Variants in EDA observed in about 807,000 individuals in gnomAD.
The protein encoded by EDA is ectodysplasin-A.
In EDA, 2 loss-of-function variants were observed where a neutral mutation model predicts 23.6. The ratio of observed to expected loss-of-function variants is 0.08; its 90% CI spans 0.03 to 0.27. EDA has a LOEUF of 0.27. Among genes scored for constraint, EDA ranks in the 10% least tolerant of loss-of-function variants. The pLI is 1.00. For missense variants in EDA, 229 were observed against 324.2 expected (o/e 0.71, Z 2.26); for synonymous variants, 131 against 132.0 (o/e 0.99, Z 0.05).
chrX:69,707,783 A>G (rs2011788122), intron 1 of EDA, among the ~76,000 whole-genome samples: 1 of 111,485 alleles, frequency 9.0e-6, no homozygotes, highest in Non-Finnish European at 1.9e-5. Flanking sequence ...ATTTCCTATC[A>G]TATTCTAGTA....
At chrX:69,942,372 A>G (rs939503389) in intron 1 of EDA, among the ~76,000 whole-genome samples, 2 of 111,509 alleles carry the variant, frequency 1.8e-5, no homozygotes, top group African/African-American at 6.5e-5. Context: ...TTTGTAGGAC[A>G]GGCCTGGTGT....
At chrX:69,667,808 G>T (rs1472951599) in intron 1 of EDA, among the ~76,000 whole-genome samples, 4 of 112,251 alleles carry the variant, frequency 3.6e-5, no homozygotes, top group African/African-American at 1.3e-4. Context: ...AGATTGAGGG[G>T]CCTGCATCTG....
intron 2 of EDA, among the ~76,000 whole-genome samples, chrX:70,001,387 GTGGTT>G (rs57208310): frequency 0.32 from 35,419 of 110,110 alleles, 4,927 homozygotes; most frequent in African/African-American, 0.54. Flanking sequence ...ATCGCTGTTT[GTGGTT>G]TGGTTTGGCT....
At chrX:69,881,781 G>A (rs1333511432) in intron 1 of EDA, among the ~76,000 whole-genome samples, 2 of 112,021 alleles carry the variant, frequency 1.8e-5, no homozygotes, top group Non-Finnish European at 3.8e-5. Context: ...TTCTGGCAAG[G>A]CCTCAGGAAG....
chrX:69,905,200 A>C (rs1382406139), intron 1 of EDA, among the ~76,000 whole-genome samples: 2 of 112,352 alleles, frequency 1.8e-5, no homozygotes, highest in Non-Finnish European at 3.8e-5. Context: ...ATCAAAGGTT[A>C]AATGAAAGGA....
At chrX:69,951,389 A>G (rs1462749375) in intron 1 of EDA, among the ~76,000 whole-genome samples, 1 of 110,777 alleles carries the variant, frequency 9.0e-6, no homozygotes, top group Non-Finnish European at 1.9e-5. Flanking sequence ...GAGAAAATAA[A>G]TTTCTCTTCT....
At chrX:70,010,294 C>T (rs1036303542) in intron 2 of EDA, among the ~76,000 whole-genome samples, 3 of 112,176 alleles carry the variant, frequency 2.7e-5, no homozygotes, top group Non-Finnish European at 3.8e-5. Flanking sequence ...TTGTCAGGCA[C>T]GCATACATTA....
chrX:69,646,586 A>G (rs1228224169), intron 1 of EDA, among the ~76,000 whole-genome samples: 2 of 111,755 alleles, frequency 1.8e-5, no homozygotes, highest in African/African-American at 3.3e-5. Context: ...TGCACATGAG[A>G]TGGGTCACTT....
At chrX:69,751,850 T>G (rs896110822) in intron 1 of EDA, among the ~76,000 whole-genome samples, 3 of 108,341 alleles carry the variant, frequency 2.8e-5, no homozygotes, top group Admixed American at 9.7e-5. Context: ...AATTCTGTTA[T>G]AACAGAACAG....
At chrX:69,954,113 C>T (rs1029131100) in intron 1 of EDA, among the ~76,000 whole-genome samples, 1 of 111,642 alleles carries the variant, frequency 9.0e-6, no homozygotes, top group Admixed American at 9.5e-5. Context: ...CCCCCTGCTG[C>T]AGGATCTAAG....
chrX:69,726,806 C>T (rs772160847), intron 1 of EDA, among the ~76,000 whole-genome samples: 5 of 112,238 alleles, frequency 4.5e-5, no homozygotes, highest in South Asian at 7.4e-4. Flanking sequence ...CTTACAGGAG[C>T]GGGAGCACAC....
At chrX:69,724,387 G>C (rs752831363) in intron 1 of EDA, among the ~76,000 whole-genome samples, 1 of 111,546 alleles carries the variant, frequency 9.0e-6, no homozygotes, top group Non-Finnish European at 1.9e-5. Context: ...CTATAACTTT[G>C]CTTTTTCTTT....
intron 1 of EDA, among the ~76,000 whole-genome samples, chrX:69,654,581 A>G (rs1472800534): frequency 8.9e-6 from 1 of 112,190 alleles, no homozygotes; most frequent in East Asian, 2.8e-4. Context: ...GATTAAGGAA[A>G]TGTGGCACAT....
intron 1 of EDA, among the ~76,000 whole-genome samples, chrX:69,861,379 G>A (rs1179973987): frequency 3.6e-5 from 4 of 111,647 alleles, no homozygotes; most frequent in African/African-American, 6.5e-5. Flanking sequence ...TATACATGCT[G>A]TAAATTCTAG....
rs747476815 is a variant in EDA, at chrX:69,706,784, G to A, written c.396+90080G>A. On this transcript the variant is annotated intron_variant, in intron 1 of 7. Transcript: ENST00000374552. Reference sequence around the variant, plus strand: ...ATCATACAAATGAAGCCTCCAGGTAGCAGGCTTCAGAGAGAATAGATTATA... The same window carrying A: ...ATCATACAAATGAAGCCTCCAGGTAACAGGCTTCAGAGAGAATAGATTATA... 4.5e-5 allele frequency among the ~76,000 whole-genome samples: 5 copies of A among 111,363 alleles called. No individual in the cohort carries two copies. In the East Asian group the frequency reaches 1.1e-3, roughly 25 times the overall value.
intron 1 of EDA, among the ~76,000 whole-genome samples, chrX:69,878,715 G>GACAC (rs61027280): frequency 0.023 from 2,303 of 99,083 alleles, 37 homozygotes; most frequent in South Asian, 0.063. Context: ...CCTTCACCAA[G>GACAC]ACACACACAC....
intron 1 of EDA, among the ~76,000 whole-genome samples, chrX:69,627,332 T>C (rs1932419926): frequency 9.0e-6 from 1 of 111,403 alleles, no homozygotes; most frequent in Non-Finnish European, 1.9e-5. Context: ...CTTACTCTTA[T>C]TCTCTCTGAT....
At chrX:69,892,089 T>C (rs1271145632) in intron 1 of EDA, among the ~76,000 whole-genome samples, 1 of 111,702 alleles carries the variant, frequency 9.0e-6, no homozygotes, top group Non-Finnish European at 1.9e-5. Flanking sequence ...TTACAAAGTA[T>C]TGAGGGGTAC....
At chrX:69,871,524 G>A (rs772300531) in intron 1 of EDA, among the ~76,000 whole-genome samples, 12 of 111,502 alleles carry the variant, frequency 1.1e-4, no homozygotes, top group East Asian at 5.6e-4. Flanking sequence ...GGCTAGGCCC[G>A]TCTCTCCTTT....
Sources: gnomAD v4.1 joint callset for allele counts (sites outside exome capture counted in the v4.1 genomes callset) on GRCh38, gnomAD v4.1.1 for gene constraint, MANE v1.5 for transcripts, NCBI Gene and HGNC (gene_info 2026-07-23, HGNC 2026-07-21) for gene names.